Variants in AVL9 observed in about 807,000 individuals in gnomAD.
The protein encoded by AVL9 is AVL9 cell migration associated.
In AVL9, 49 loss-of-function variants were observed where a neutral mutation model predicts 79.2. That is an observed-to-expected ratio of 0.62 (90% CI 0.49 to 0.79). AVL9 has a LOEUF of 0.79. Among genes scored for constraint, AVL9 ranks in the 30% least tolerant of loss-of-function variants. The pLI, the probability that AVL9 is intolerant of heterozygous loss-of-function variation, is 0.00. For missense variants in AVL9, 682 were observed against 776.8 expected (o/e 0.88, Z 1.45); for synonymous variants, 299 against 280.6 (o/e 1.07, Z -0.65).
At chr7:32,562,468 T>C in intron 10 of AVL9, 1 of 216,400 alleles carries the variant, frequency 4.6e-6, no homozygotes, top group Non-Finnish European at 7.9e-6. Context: ...TATTTTTTAA[T>C]CTTTTTATAA....
chr7:32,548,734 T>C, intron 3 of AVL9, 113 bp from the exon 4 acceptor site: 1 of 715,654 alleles, frequency 1.4e-6, no homozygotes, highest in Non-Finnish European at 2.1e-6. Flanking sequence ...ACTTTTTGAA[T>C]TTAACTGAAT....
Position 32,583,874 on chromosome 7 carries a change from A to G in AVL9, c.1914A>G (p.Gln638=), listed in dbSNP as rs539091334. Residue 638 remains glutamine, a synonymous_variant, in exon 16 of 16, where the codon CAA becomes CAG. Transcript: ENST00000318709. ...CCACTTTCACCACTTCCACCTCCCAAAGTCTCACTGAGCCACCAGATGAGA... is the reference window on the plus strand; with the variant it reads ...CCACTTTCACCACTTCCACCTCCCAGAGTCTCACTGAGCCACCAGATGAGA... The part of the protein sequence containing the change: ...WLSTFTTSTS[Q]SLTEPPDEKP The G allele has an allele frequency of 1.2e-6, 2 of 1,613,972 alleles. No homozygotes were observed. The highest frequency in any genetic ancestry group is 1.7e-5 in the Admixed American group (1 of 60,012).
intron 1 of AVL9, among the ~76,000 whole-genome samples, chr7:32,512,601 G>A (rs1367371712): frequency 2.0e-5 from 3 of 152,090 alleles, no homozygotes; most frequent in African/African-American, 4.8e-5. Context: ...TGTACTTTTC[G>A]TAGCTTACCT....
intron 1 of AVL9, 84 bp downstream of exon 1, chr7:32,495,886 G>C: frequency 2.1e-6 from 2 of 930,588 alleles, no homozygotes; most frequent in Non-Finnish European, 1.4e-6. Flanking sequence ...TGTGTGCTCA[G>C]CTCGCGTCGT....
chr7:32,540,276 A>G (rs1028837125), intron 1 of AVL9, among the ~76,000 whole-genome samples: 8 of 152,204 alleles, frequency 5.3e-5, no homozygotes, highest in African/African-American at 1.9e-4. Flanking sequence ...GAGAGTATCT[A>G]TGGGATAAAT....
At chr7:32,504,441 A>G (rs1787319753) in intron 1 of AVL9, among the ~76,000 whole-genome samples, 2 of 152,002 alleles carry the variant, frequency 1.3e-5, no homozygotes, top group Non-Finnish European at 1.5e-5. Flanking sequence ...CTTTATATAC[A>G]ATATTTCTTT....
intron 1 of AVL9, among the ~76,000 whole-genome samples, chr7:32,514,166 C>A (rs191273984): frequency 3.7e-4 from 57 of 152,292 alleles, no homozygotes; most frequent in Admixed American, 3.3e-3. Flanking sequence ...CTCCTCAGCA[C>A]TGACCCTTTA....
intron 1 of AVL9, among the ~76,000 whole-genome samples, chr7:32,503,369 T>TACACACACACACACACACAC (rs1237567459): frequency 2.0e-5 from 2 of 101,328 alleles, no homozygotes; most frequent in Admixed American, 1.3e-4. Context: ...GAGATATATA[T>TACACACACACACACACACAC]ATATACACAC....
intron 1 of AVL9, among the ~76,000 whole-genome samples, chr7:32,502,613 G>A (rs928717352): frequency 2.6e-5 from 4 of 151,836 alleles, no homozygotes; most frequent in Admixed American, 6.6e-5. Context: ...TTTGAATAGC[G>A]CTGCAAAGAA....
chr7:32,562,074 A>G (rs79835653), intron 10 of AVL9, among the ~76,000 whole-genome samples: 1,705 of 152,328 alleles, frequency 0.011, 24 homozygotes, highest in African/African-American at 0.038. Context: ...TCAACATAAC[A>G]AACACAATAA....
chr7:32,575,318 C>T (rs1337946771), intron 12 of AVL9, among the ~76,000 whole-genome samples: 8 of 152,092 alleles, frequency 5.3e-5, no homozygotes, highest in Non-Finnish European at 1.0e-4. Context: ...AGGCTGGTCT[C>T]GAACTCCTGA....
Position 32,531,177 on chromosome 7 carries a change from A to G in AVL9, c.94-11964A>G, listed in dbSNP as rs370360735. Reference sequence around the variant, plus strand: ...GTGATTGCCTATACATTGTTGAGCTATAGGGTGTAACGCATTTTTTGGCTA... The same window carrying G: ...GTGATTGCCTATACATTGTTGAGCTGTAGGGTGTAACGCATTTTTTGGCTA... On this transcript the variant is annotated intron_variant, in intron 1 of 15. Coordinates refer to ENST00000318709, the MANE Select transcript of AVL9 (RefSeq NM_015060.3). Among the ~76,000 whole-genome samples the G allele has an allele frequency of 8.4e-4, 128 of 152,278 alleles. 1 individual carries two copies. The highest frequency in any genetic ancestry group is 2.9e-3 in the African/African-American group (120 of 41,562).
intron 3 of AVL9, among the ~76,000 whole-genome samples, chr7:32,545,364 CTTT>C (rs10610945): frequency 1.4e-5 from 1 of 73,350 alleles, no homozygotes; most frequent in Non-Finnish European, 2.4e-5. Context: ...TCTAAGATTT[CTTT>C]TTTTTTTTTT....
At chr7:32,529,114 T>G (rs140100685) in intron 1 of AVL9, among the ~76,000 whole-genome samples, 75 of 152,362 alleles carry the variant, frequency 4.9e-4, no homozygotes, top group Non-Finnish European at 9.8e-4. Context: ...TTTGTCAGAT[T>G]TACTTTAAAG....
chr7:32,553,767 G>A lies in AVL9; in HGVS notation c.570G>A (p.Lys190=). 1 of 1,606,598 alleles carries A rather than the reference G, an allele frequency of 6.2e-7. No individual in the cohort carries two copies. Among genetic ancestry groups the A allele is most frequent in the Non-Finnish European group, 8.5e-7 (1 of 1,174,330 alleles). The change falls in exon 7 of 16, where the codon AAG becomes AAA. Residue 190 remains lysine, a splice_region_variant and synonymous_variant. Coordinates refer to ENST00000318709, the MANE Select transcript of AVL9 (RefSeq NM_015060.3). The part of the protein sequence containing the change: ...PRDLVLHFRH[K]VLILFKLILL... ...ATCTTGTCCTTCATTTTCGACACAA[G>A]GTATGGTACCTTATTTAAATAAATT...
chr7:32,552,838 G>A (rs539579101), intron 6 of AVL9, among the ~76,000 whole-genome samples: 23 of 152,088 alleles, frequency 1.5e-4, no homozygotes, highest in African/African-American at 4.8e-4. Flanking sequence ...TTTTCTTTGC[G>A]TTAATGCTGA....
chr7:32,522,646 A>G (rs1489147568), intron 1 of AVL9, among the ~76,000 whole-genome samples: 1 of 152,126 alleles, frequency 6.6e-6, no homozygotes, highest in Non-Finnish European at 1.5e-5. Flanking sequence ...TAATGCTGAA[A>G]TGAGTTAAGA....
At chr7:32,500,645 G>A (rs1192056503) in intron 1 of AVL9, among the ~76,000 whole-genome samples, 1 of 151,792 alleles carries the variant, frequency 6.6e-6, no homozygotes, top group Non-Finnish European at 1.5e-5. Flanking sequence ...GTCTTTTGTT[G>A]CAATTGCTTT....
chr7:32,498,237 ATTTT>A (rs10547851), intron 1 of AVL9, among the ~76,000 whole-genome samples: 2 of 89,814 alleles, frequency 2.2e-5, no homozygotes, highest in Admixed American at 1.5e-4. Context: ...AAGTCCTCAG[ATTTT>A]TTTTTTTTTT....
Sources: allele counts gnomAD v4.1 joint callset (sites outside exome capture counted in the v4.1 genomes callset), GRCh38; gene constraint gnomAD v4.1.1; transcripts MANE v1.5; gene names NCBI Gene and HGNC (gene_info 2026-07-23, HGNC 2026-07-21).